The following C7 variants were observed in gnomAD, a reference collection of about 807,000 sequenced individuals.
The protein encoded by C7 is complement C7.
A neutral mutation model predicts 104.8 loss-of-function variants in C7; 83 were observed. That is an observed-to-expected ratio of 0.79 (90% confidence interval 0.66 to 0.95). The LOEUF (loss-of-function observed/expected upper bound fraction) is 0.95. C7 is among the 40% of genes least tolerant of loss of function. The pLI is 0.00. For missense variants in C7, 1,070 were observed against 1,011.2 expected, an observed-to-expected ratio of 1.06 and a Z score of -0.79; for synonymous variants, 415 against 360.6, an observed-to-expected ratio of 1.15 and a Z score of -1.71.
Position 40,976,860 on chromosome 5 carries a change from AT to A in C7, c.2165+23del. The A allele has an allele frequency of 6.5e-7, 1 of 1,543,326 alleles. No homozygotes were observed. The highest frequency in any genetic ancestry group is 8.8e-7 in the Non-Finnish European group (1 of 1,132,464). ...ATGTGGGTAAGTGCCGCCTTTGCTC[AT>A]TTCTCTGTTTTATTTTATTAATGAT... On this transcript the variant is annotated intron_variant, in intron 16 of 17. Coordinates refer to ENST00000313164, the MANE Select transcript of C7 (RefSeq NM_000587.4).
chr5:40,942,027 C>T (rs1325035276), intron 6 of C7, among the ~76,000 whole-genome samples: 3 of 152,092 alleles, frequency 2.0e-5, no homozygotes, highest in Admixed American at 2.0e-4. Flanking sequence ...GAGAGTATTT[C>T]CAGTAGGAGA....
chr5:40,972,265 T>TAACAGTG (rs200768502), intron 14 of C7, 138 bp from the exon 15 acceptor site: 8,781 of 725,734 alleles, frequency 0.012, 73 homozygotes, highest in Non-Finnish European at 0.016. Context: ...CAGTCCACCC[T>TAACAGTG]AACAGTGAAC....
intron 14 of C7, among the ~76,000 whole-genome samples, chr5:40,968,592 ATATATATATTTTTTTTT>A (rs1740618431): frequency 5.9e-5 from 2 of 34,010 alleles, no homozygotes; most frequent in African/African-American, 3.2e-4. Flanking sequence ...ATATATATAT[ATATATATATTTTTTTTT>A]TTTTTTTTTT....
At chr5:40,925,070 C>A (rs543138841) in intron 1 of C7, among the ~76,000 whole-genome samples, 1 of 152,306 alleles carries the variant, frequency 6.6e-6, no homozygotes, top group South Asian at 2.1e-4. Flanking sequence ...CCTGATGATC[C>A]TTTTTCTTTC....
chr5:40,956,942 C>G (rs1025934513), intron 10 of C7, among the ~76,000 whole-genome samples: 7 of 152,248 alleles, frequency 4.6e-5, no homozygotes, highest in Admixed American at 2.6e-4. Context: ...TGTTCTTTAA[C>G]AGTCTCCATG....
At chr5:40,941,422 T>C (rs1739934240) in intron 6 of C7, among the ~76,000 whole-genome samples, 1 of 151,870 alleles carries the variant, frequency 6.6e-6, no homozygotes. Context: ...CACAGTGAAG[T>C]GTGAAGAGTT....
At chr5:40,961,803 T>A (rs1197793792) in intron 12 of C7, among the ~76,000 whole-genome samples, 1 of 152,224 alleles carries the variant, frequency 6.6e-6, no homozygotes, top group Non-Finnish European at 1.5e-5. Flanking sequence ...AGTAGTATGT[T>A]GGCCAAAGAC....
chr5:40,926,242 C>T (rs1739546796), intron 1 of C7, among the ~76,000 whole-genome samples: 1 of 152,150 alleles, frequency 6.6e-6, no homozygotes, highest in Non-Finnish European at 1.5e-5. Context: ...AAGTTAGGTA[C>T]AGAAGAAAAG....
chr5:40,974,508 C>T (rs1002781392), intron 15 of C7, among the ~76,000 whole-genome samples: 9 of 151,796 alleles, frequency 5.9e-5, no homozygotes, highest in African/African-American at 1.7e-4. Context: ...TTCTGCCTCC[C>T]GGGTTCACAC....
chr5:40,922,305 GTGGAGGT>G (rs1739454725), intron 1 of C7, among the ~76,000 whole-genome samples: 1 of 145,580 alleles, frequency 6.9e-6, no homozygotes, highest in Non-Finnish European at 1.5e-5. Flanking sequence ...AACCCAGGAG[GTGGAGGT>G]TGCAGTGAGC....
chr5:40,949,900 C>G lies in C7; in HGVS notation c.983-4C>G. ...ACATGTCTCTTTTACATTTTCTCCC[C>G]TAGATTTTAATTCAGTCGAAGAAAA... On this transcript the variant is annotated splice_polypyrimidine_tract_variant and splice_region_variant and intron_variant, in intron 8 of 17. Coordinates refer to ENST00000313164, the MANE Select transcript of C7 (RefSeq NM_000587.4). The G allele has an allele frequency of 1.9e-6, 3 of 1,541,722 alleles. No individual in the cohort carries two copies. The highest frequency in any genetic ancestry group is 2.7e-6 in the Non-Finnish European group (3 of 1,127,296).
intron 14 of C7, among the ~76,000 whole-genome samples, chr5:40,968,044 A>G (rs554534065): frequency 1.3e-5 from 2 of 152,004 alleles, no homozygotes; most frequent in Non-Finnish European, 2.9e-5. Context: ...CAAATTATAC[A>G]TTTTTTGGAC....
intron 3 of C7, among the ~76,000 whole-genome samples, chr5:40,932,262 CCTT>C (rs1478546565): frequency 5.9e-5 from 9 of 152,080 alleles, no homozygotes; most frequent in African/African-American, 1.9e-4. Context: ...ATGAATATAG[CCTT>C]CTTATTTTTC....
chr5:40,964,604 T>G, intron 13 of C7, 137 bp from the exon 14 acceptor site: 1 of 715,348 alleles, frequency 1.4e-6, no homozygotes, highest in East Asian at 2.7e-5. Context: ...GAAAATGTTT[T>G]TATAGACACT....
chr5:40,953,510 G>A (rs1045504862), intron 9 of C7, among the ~76,000 whole-genome samples: 4 of 151,790 alleles, frequency 2.6e-5, no homozygotes, highest in Non-Finnish European at 4.4e-5. Flanking sequence ...GTGTGGTGGC[G>A]CACGCCTGTA....
chr5:40,929,747 C>A (rs990444455), intron 2 of C7, among the ~76,000 whole-genome samples: 1 of 152,160 alleles, frequency 6.6e-6, no homozygotes, highest in Non-Finnish European at 1.5e-5. Flanking sequence ...AGTCAACTCT[C>A]CATTTTCACA....
chr5:40,955,856 G>T (rs1579862418), intron 10 of C7, among the ~76,000 whole-genome samples: 1 of 152,218 alleles, frequency 6.6e-6, no homozygotes, highest in Admixed American at 6.5e-5. Flanking sequence ...CCCTAATTCA[G>T]AGGAGTTATA....
chr5:40,935,070 T>C (rs752576601), intron 4 of C7, among the ~76,000 whole-genome samples: 3 of 152,230 alleles, frequency 2.0e-5, no homozygotes, highest in African/African-American at 4.8e-5. Context: ...TAAAGTTTTA[T>C]GGGCAGAATA....
At chr5:40,973,028 T>G (rs974999977) in intron 15 of C7, among the ~76,000 whole-genome samples, 1 of 152,220 alleles carries the variant, frequency 6.6e-6, no homozygotes, top group Admixed American at 6.5e-5. Context: ...TTATCAGTAT[T>G]TCTGAAATTG....
Sources: gnomAD v4.1 joint callset for allele counts (sites outside exome capture counted in the v4.1 genomes callset) on GRCh38, gnomAD v4.1.1 for gene constraint, MANE v1.5 for transcripts, NCBI Gene and HGNC (gene_info 2026-07-23, HGNC 2026-07-21) for gene names.